FNDC3B: variants seen among roughly 807,000 people sequenced by gnomAD.
FNDC3B encodes fibronectin type III domain containing 3B.
Under a neutral mutation model 151.5 loss-of-function variants are expected in FNDC3B, and 12 were observed. The ratio of observed to expected loss-of-function variants is 0.08; its 90% CI spans 0.05 to 0.13. FNDC3B has a LOEUF of 0.13. FNDC3B is among the 10% of genes least tolerant of loss of function. FNDC3B has a pLI of 1.00. For synonymous variants in FNDC3B, 528 were observed against 549.0 expected (o/e 0.96, Z 0.54); for missense variants, 1,214 against 1,505.3 (o/e 0.81, Z 3.20).
chr3:172,106,103 G>A (rs1719630784), intron 1 of FNDC3B, among the ~76,000 whole-genome samples: 1 of 152,098 alleles, frequency 6.6e-6, no homozygotes, highest in Non-Finnish European at 1.5e-5. Flanking sequence ...GTTTTGAATT[G>A]GAGTATGGAA....
chr3:172,342,997 T>G lies in FNDC3B; in HGVS notation c.1972-14T>G. The stretch of plus-strand genomic sequence containing the variant: ...GTAACTAAGAGATGGTTCTCTCTGG[T>G]GTTTCTCCTGCAGTGTTCTGAAAGT... On this transcript the variant is annotated splice_polypyrimidine_tract_variant and intron_variant, in intron 17 of 25. Transcript: ENST00000415807. 6.6e-7 allele frequency: 1 copy of G among 1,504,024 alleles called. No individual in the cohort carries two copies. Among genetic ancestry groups the G allele is most frequent in the Non-Finnish European group, 9.3e-7 (1 of 1,079,766 alleles). 93.2% of individuals were successfully genotyped at this position (1,504,024 alleles called of 1,614,324 possible).
At chr3:172,174,179 C>G (rs1723430341) in intron 3 of FNDC3B, among the ~76,000 whole-genome samples, 2 of 152,272 alleles carry the variant, frequency 1.3e-5, no homozygotes, top group South Asian at 2.1e-4. Flanking sequence ...CATTATTGAA[C>G]CTGTTAGGAT....
intron 2 of FNDC3B, among the ~76,000 whole-genome samples, chr3:172,115,887 A>G (rs1720223541): frequency 6.6e-6 from 1 of 152,204 alleles, no homozygotes; most frequent in Non-Finnish European, 1.5e-5. Flanking sequence ...ACATTTCTAT[A>G]TATGCAAAAG....
chr3:172,159,809 G>A (rs1255742919), intron 3 of FNDC3B, among the ~76,000 whole-genome samples: 14 of 152,180 alleles, frequency 9.2e-5, no homozygotes, highest in Non-Finnish European at 1.9e-4. Context: ...TTAGCCACTC[G>A]TTTGTGTATT....
intron 23 of FNDC3B, among the ~76,000 whole-genome samples, chr3:172,365,962 A>G (rs887550763): frequency 1.3e-5 from 2 of 152,206 alleles, no homozygotes; most frequent in African/African-American, 4.8e-5. Flanking sequence ...ACGATCTCTG[A>G]TATCTTTTCA....
intron 1 of FNDC3B, among the ~76,000 whole-genome samples, chr3:172,075,784 T>C (rs1717981762): frequency 6.6e-6 from 1 of 151,312 alleles, no homozygotes; most frequent in African/African-American, 2.4e-5. Flanking sequence ...TATATACATA[T>C]AACTGAATCA....
intron 3 of FNDC3B, among the ~76,000 whole-genome samples, chr3:172,160,599 A>G (rs1722717517): frequency 6.6e-6 from 1 of 152,246 alleles, no homozygotes; most frequent in Admixed American, 6.5e-5. Context: ...CCAACTGTAA[A>G]TCAGAAATGT....
At chr3:172,167,254 G>T (rs1723051669) in intron 3 of FNDC3B, among the ~76,000 whole-genome samples, 1 of 152,156 alleles carries the variant, frequency 6.6e-6, no homozygotes, top group South Asian at 2.1e-4. Context: ...AAGTTAGCTG[G>T]GTATGTTGGT....
chr3:172,382,880 A>G (rs529607295), intron 25 of FNDC3B, among the ~76,000 whole-genome samples: 2 of 152,244 alleles, frequency 1.3e-5, no homozygotes, highest in East Asian at 1.9e-4. Context: ...GCCTTGTAAT[A>G]TAGTTTGAAG....
intron 1 of FNDC3B, among the ~76,000 whole-genome samples, chr3:172,075,724 A>C (rs1717974879): frequency 6.8e-6 from 1 of 146,850 alleles, no homozygotes; most frequent in Non-Finnish European, 1.5e-5. Flanking sequence ...TAGCCCAGTA[A>C]ACACACACAC....
chr3:172,247,597 C>G lies in FNDC3B; in HGVS notation c.329C>G (p.Pro110Arg), dbSNP rs1364618064. The change falls in exon 5 of 26, where the codon CCC becomes CGC. Residue 110 changes from proline to arginine, a missense_variant. This residue lies in a region of FNDC3B where 113 missense variants were observed against 177.8 expected (regional missense o/e 0.64). Transcript: ENST00000415807. ...VVTPQSPECY[P>R]PSYPSAMSPT... is the part of the protein sequence containing the mutation. The stretch of plus-strand genomic sequence containing the variant: ...ACACCCCAGTCTCCTGAGTGTTATC[C>G]CCCAAGCTACCCCTCAGCCATGTCT... 2 of 1,613,852 alleles carry G rather than the reference C, an allele frequency of 1.2e-6. No homozygotes were observed. Among genetic ancestry groups the G allele is most frequent in the African/African-American group, 2.7e-5 (2 of 74,906 alleles).
intron 6 of FNDC3B, among the ~76,000 whole-genome samples, chr3:172,284,784 C>A (rs779357790): frequency 4.0e-5 from 6 of 149,846 alleles, no homozygotes; most frequent in Non-Finnish European, 8.9e-5. Flanking sequence ...ACTGTAATTG[C>A]CTATTTGGTT....
rs1736360849 is a variant in FNDC3B, at chr3:172,397,682, AAAG to A, written c.*210_*212del. 8.2e-6 allele frequency: 2 copies of A among 243,398 alleles called. No homozygotes were observed. Among genetic ancestry groups the A allele is most frequent in the Non-Finnish European group, 1.3e-5 (2 of 151,908 alleles). The allele number at this position is 243,398 out of a possible 1,614,324, so 15.1% of individuals were successfully genotyped here. A position where few individuals can be genotyped will look rare whatever the true frequency, so the allele number is the denominator to read the frequency against. On this transcript the variant is annotated 3_prime_UTR_variant, in exon 26 of 26. Coordinates refer to ENST00000415807, the MANE Select transcript of FNDC3B (RefSeq NM_022763.4). ...TAAACTGGATTTTTTTTTTTAAAAA[AAAG>A]AAAAAAAAAGAAGAAAAGTATACCA...
chr3:172,171,134 C>T lies in FNDC3B; in HGVS notation c.187+37588C>T, dbSNP rs1475769118. 3.3e-5 allele frequency among the ~76,000 whole-genome samples: 5 copies of T among 152,292 alleles called. No homozygotes were observed. In the South Asian group the frequency reaches 8.3e-4, roughly 25 times the overall value. On this transcript the variant is annotated intron_variant, in intron 3 of 25. Transcript: ENST00000415807. ...CTACAGAAATGGAAAGTGGAGGTTC[C>T]TGTGTCCATTATTTCAAACTGAAGT...
chr3:172,307,604 G>C, intron 10 of FNDC3B, 103 bp downstream of exon 10: 1 of 1,178,402 alleles, frequency 8.5e-7, no homozygotes, highest in Non-Finnish European at 1.2e-6. Flanking sequence ...GAGGAGGGGG[G>C]ATCACTTGAA....
intron 3 of FNDC3B, among the ~76,000 whole-genome samples, chr3:172,181,395 C>CAAAAAAAAAAAAAAAAAAAAAAAAAAAAA (rs755223783): frequency 2.8e-5 from 2 of 71,532 alleles, no homozygotes; most frequent in African/African-American, 1.2e-4. Flanking sequence ...ACTCTGTCTC[C>CAAAAAAAAAAAAAAAAAAAAAAAAAAAAA]AAAAAAAAAA....
chr3:172,347,110 G>T, intron 20 of FNDC3B, 102 bp from the exon 21 acceptor site: 1 of 972,662 alleles, frequency 1.0e-6, no homozygotes, highest in Non-Finnish European at 1.5e-6. Flanking sequence ...GAAATATTCT[G>T]GGGCATGTTG....
intron 24 of FNDC3B, 73 bp downstream of exon 24, chr3:172,378,509 C>A (rs970860605): frequency 7.6e-7 from 1 of 1,313,276 alleles, no homozygotes; most frequent in Admixed American, 2.7e-5. Flanking sequence ...GAAAGAAGCT[C>A]TTTTCTGATG....
Position 172,186,604 on chromosome 3 carries a change from TA to T in FNDC3B, c.188-40264del, listed in dbSNP as rs1402071154. 6 of 636,990 alleles carry T rather than the reference TA, an allele frequency of 9.4e-6. No individual in the cohort carries two copies. In the Admixed American group the frequency reaches 1.3e-4, roughly 14 times the overall value. The allele number at this position is 636,990 out of a possible 1,614,324, so 39.5% of individuals were successfully genotyped here. A position where few individuals can be genotyped will look rare whatever the true frequency, so the allele number is the denominator to read the frequency against. ...CTATGGTATTTTTACTCTTATTTTA[TA>T]AATCCTATACCAGCATTTTAAAAAA... On this transcript the variant is annotated intron_variant, in intron 3 of 25. Coordinates refer to ENST00000415807, the MANE Select transcript of FNDC3B (RefSeq NM_022763.4).
Sources: gnomAD v4.1 joint callset for allele counts (sites outside exome capture counted in the v4.1 genomes callset) on GRCh38, gnomAD v4.1.1 for gene constraint, gnomAD v4.1.1 regional missense constraint, MANE v1.5 for transcripts, NCBI Gene and HGNC (gene_info 2026-07-23, HGNC 2026-07-21) for gene names.